The following TYR variants were observed in gnomAD, a reference collection of about 807,000 sequenced individuals.
TYR encodes LB24-AB.
Under a neutral mutation model 51.5 loss-of-function variants are expected in TYR, and 58 were observed. That is an observed-to-expected ratio of 1.13 (90% confidence interval 0.91 to 1.40). The LOEUF (loss-of-function observed/expected upper bound fraction) is 1.40. TYR is among the 40% of genes most tolerant of loss of function. The pLI is 0.00. For synonymous variants in TYR, 263 were observed against 235.2 expected (o/e 1.12, Z -1.08); for missense variants, 732 against 647.4 (o/e 1.13, Z -1.42).
At position 89,233,309 on chromosome 11, in the gene TYR, C is replaced by G. The variant is rs901396298; in HGVS notation, c.1184+5339C>G. Among the ~76,000 whole-genome samples, 2 of 141,814 alleles carry G rather than the reference C, an allele frequency of 1.4e-5. 1 individual carries two copies. The allele number at this position is 141,814 out of a possible 152,430, so 93.0% of individuals were successfully genotyped here. On this transcript the variant is annotated intron_variant, in intron 3 of 4. Coordinates refer to ENST00000263321, the MANE Select transcript of TYR (RefSeq NM_000372.5). ...ATACCTTTAGGCTGCACTTGTAATT[C>G]TAGTTCTCTTGCTATTTCCATGATA...
chr11:89,244,274 T>G (rs1944236690), intron 3 of TYR, among the ~76,000 whole-genome samples: 1 of 151,976 alleles, frequency 6.6e-6, no homozygotes, highest in Non-Finnish European at 1.5e-5. Flanking sequence ...TACAGAATTA[T>G]CTCTCTCATA....
At chr11:89,195,695 A>T (rs961558775) in intron 2 of TYR, among the ~76,000 whole-genome samples, 3 of 151,358 alleles carry the variant, frequency 2.0e-5, no homozygotes, top group East Asian at 1.9e-4. Context: ...AATAAATAAA[A>T]ATAAAATAAA....
At chr11:89,231,177 A>AG (rs1380863887) in intron 3 of TYR, among the ~76,000 whole-genome samples, 1 of 124,786 alleles carries the variant, frequency 8.0e-6, no homozygotes, top group African/African-American at 4.2e-5. Flanking sequence ...TCTCAAAAAA[A>AG]AAAAAAAAAA....
At chr11:89,218,410 T>C (rs1591162420) in intron 2 of TYR, among the ~76,000 whole-genome samples, 2 of 152,148 alleles carry the variant, frequency 1.3e-5, no homozygotes, top group African/African-American at 4.8e-5. Context: ...AAACTAATTA[T>C]AATCCAAAGA....
intron 3 of TYR, among the ~76,000 whole-genome samples, chr11:89,231,607 T>G (rs1591170754): frequency 7.0e-6 from 1 of 142,068 alleles, no homozygotes; most frequent in East Asian, 2.0e-4. Context: ...CTCCTAGAAT[T>G]AGAGAGTAGA....
At chr11:89,206,554 A>G (rs79298691) in intron 2 of TYR, among the ~76,000 whole-genome samples, 2,545 of 152,268 alleles carry the variant, frequency 0.017, 62 homozygotes, top group African/African-American at 0.057. Context: ...GGAGAATTCA[A>G]TACTGCTGTT....
intron 2 of TYR, among the ~76,000 whole-genome samples, chr11:89,198,214 GCAA>G (rs968192299): frequency 2.0e-5 from 3 of 150,026 alleles, no homozygotes; most frequent in Admixed American, 6.6e-5. Flanking sequence ...CTTAGTTCAT[GCAA>G]CAACAACAAC....
chr11:89,246,144 G>A (rs1169002092), intron 3 of TYR, among the ~76,000 whole-genome samples: 2 of 133,388 alleles, frequency 1.5e-5, no homozygotes, highest in African/African-American at 6.2e-5. Flanking sequence ...ATAAAAGGCA[G>A]GACATGACAT....
chr11:89,286,101 G>A (rs1944783194), intron 4 of TYR, among the ~76,000 whole-genome samples: 1 of 151,836 alleles, frequency 6.6e-6, no homozygotes, highest in African/African-American at 2.4e-5. Flanking sequence ...GCTGTGTTAT[G>A]TGCAGTAAAA....
intron 2 of TYR, among the ~76,000 whole-genome samples, chr11:89,202,274 G>T (rs867516889): frequency 1.3e-5 from 2 of 152,064 alleles, no homozygotes; most frequent in South Asian, 4.1e-4. Context: ...GGCTGTTGAG[G>T]TTGTCTACAG....
intron 2 of TYR, among the ~76,000 whole-genome samples, chr11:89,223,908 G>GTTTTTTTTTTTTTTT: frequency 7.0e-6 from 1 of 143,104 alleles, no homozygotes; most frequent in Admixed American, 7.0e-5. Context: ...TTCTTTAGCT[G>GTTTTTTTTTTTTTTT]TTTTTTTTTT....
intron 3 of TYR, among the ~76,000 whole-genome samples, chr11:89,252,079 C>T: frequency 6.6e-6 from 1 of 151,624 alleles, no homozygotes; most frequent in East Asian, 1.9e-4. Flanking sequence ...TCTATTTTTT[C>T]ATGTTCTATG....
At position 89,178,262 on chromosome 11, in the gene TYR, C is replaced by T. The variant is rs766120037; in HGVS notation, c.309C>T (p.Cys103=). 2 of 1,614,196 alleles carry T rather than the reference C, an allele frequency of 1.2e-6. No homozygotes were observed. The highest frequency in any genetic ancestry group is 2.2e-5 in the South Asian group (2 of 91,084). The part of the protein sequence containing the change: ...GNFMGFNCGN[C]KFGFWGPNCT... ...TCATGGGATTCAACTGTGGAAACTG[C>T]AAGTTTGGCTTTTGGGGACCAAACT... Residue 103 remains cysteine, a synonymous_variant, in exon 1 of 5, where the codon TGC becomes TGT. Coordinates refer to ENST00000263321, the MANE Select transcript of TYR (RefSeq NM_000372.5).
chr11:89,190,351 A>T (rs1467959997), intron 1 of TYR, among the ~76,000 whole-genome samples: 1 of 152,026 alleles, frequency 6.6e-6, no homozygotes, highest in East Asian at 1.9e-4. Flanking sequence ...GAAGACAATG[A>T]TATTGACAAC....
intron 3 of TYR, among the ~76,000 whole-genome samples, chr11:89,261,153 A>G (rs1285401206): frequency 6.6e-6 from 1 of 152,156 alleles, no homozygotes; most frequent in African/African-American, 2.4e-5. Flanking sequence ...GTAATGGAAG[A>G]ACTGAGGAAC....
chr11:89,223,109 CAATT>C (rs1943934686), intron 2 of TYR, among the ~76,000 whole-genome samples: 1 of 152,152 alleles, frequency 6.6e-6, no homozygotes. Flanking sequence ...GAATTGGAAT[CAATT>C]ATTCAGTTCA....
At chr11:89,287,922 TA>T (rs1302609381) in intron 4 of TYR, among the ~76,000 whole-genome samples, 1 of 151,964 alleles carries the variant, frequency 6.6e-6, no homozygotes. Context: ...AGGCAAAATT[TA>T]CAGAACTTGG....
chr11:89,248,369 C>T (rs1944291865), intron 3 of TYR, among the ~76,000 whole-genome samples: 1 of 151,874 alleles, frequency 6.6e-6, no homozygotes, highest in Admixed American at 6.6e-5. Context: ...GAGAAGGTTC[C>T]AGTTGAGATA....
chr11:89,240,115 C>T (rs1232203526), intron 3 of TYR, among the ~76,000 whole-genome samples: 1 of 152,038 alleles, frequency 6.6e-6, no homozygotes, highest in Non-Finnish European at 1.5e-5. Context: ...GGGAGAGCAT[C>T]AGGATGAATA....
Sources: gnomAD v4.1 joint callset for allele counts (sites outside exome capture counted in the v4.1 genomes callset) on GRCh38, gnomAD v4.1.1 for gene constraint, MANE v1.5 for transcripts, NCBI Gene and HGNC (gene_info 2026-07-23, HGNC 2026-07-21) for gene names.